The following GSPT1 variants were observed in gnomAD, a reference collection of about 807,000 sequenced individuals.
GSPT1 encodes the protein eukaryotic peptide chain release factor GTP-binding subunit ERF3A.
In GSPT1, 20 loss-of-function variants were observed where a neutral mutation model predicts 72.5. The observed-to-expected ratio is 0.28, with a 90% CI of 0.19 to 0.40. The LOEUF is 0.40. Ranked by LOEUF, GSPT1 falls within the 10% of genes least tolerant of loss-of-function variation. The pLI is 1.00. For missense variants in GSPT1, 580 were observed against 811.9 expected, an observed-to-expected ratio of 0.71 and a Z score of 3.47; for synonymous variants, 334 against 293.5, an observed-to-expected ratio of 1.14 and a Z score of -1.41.
chr16:11,897,369 G>A (rs1167664870), intron 3 of GSPT1, among the ~76,000 whole-genome samples: 2 of 152,090 alleles, frequency 1.3e-5, no homozygotes, highest in Admixed American at 6.6e-5. Flanking sequence ...GGTGGATCAC[G>A]AGGTCAGGAG....
At chr16:11,895,145 T>C in intron 4 of GSPT1, 158 bp from the exon 5 acceptor site, 1 of 566,208 alleles carries the variant, frequency 1.8e-6, no homozygotes, top group Non-Finnish European at 3.3e-6. Flanking sequence ...AAAATGAGCC[T>C]CAAGGCTGGG....
At chr16:11,890,720 G>A (rs1328450470) in intron 6 of GSPT1, 1 of 169,908 alleles carries the variant, frequency 5.9e-6, no homozygotes, top group Non-Finnish European at 1.3e-5. Context: ...GATGTTTCCT[G>A]CTTCCCCCCA....
At chr16:11,904,492 G>A (rs548071803) in intron 1 of GSPT1, among the ~76,000 whole-genome samples, 1 of 152,228 alleles carries the variant, frequency 6.6e-6, no homozygotes, top group South Asian at 2.1e-4. Flanking sequence ...GTGAGCCACT[G>A]CGCCCAGCCA....
At chr16:11,878,881 A>G (rs2141276650) in intron 11 of GSPT1, among the ~76,000 whole-genome samples, 1 of 152,118 alleles carries the variant, frequency 6.6e-6, no homozygotes, top group East Asian at 1.9e-4. Flanking sequence ...CCTGGCCAAC[A>G]TGGTGAAACC....
intron 1 of GSPT1, among the ~76,000 whole-genome samples, chr16:11,910,277 G>T (rs151197013): frequency 2.6e-5 from 4 of 152,170 alleles, no homozygotes; most frequent in Admixed American, 1.3e-4. Context: ...GAGGTTTTAC[G>T]TAAGGGATTG....
chr16:11,872,920 T>C lies in GSPT1; in HGVS notation c.*199A>G. 2.1e-6 allele frequency: 1 copy of C among 472,662 alleles called. No homozygotes were observed. Among genetic ancestry groups the C allele is most frequent in the Non-Finnish European group, 3.8e-6 (1 of 259,894 alleles). The allele number at this position is 472,662 out of a possible 1,614,324, so 29.3% of individuals were successfully genotyped here. ...GAAGTGAGGGCTAGGGACAGGAATC[T>C]TGGGAAAAATTCAACAGTGGCATAG... is the stretch of plus-strand genomic sequence containing the variant. On this transcript the variant is annotated 3_prime_UTR_variant, in exon 15 of 15. Coordinates refer to ENST00000434724, the MANE Select transcript of GSPT1 (RefSeq NM_002094.4).
chr16:11,916,014 C>A (rs2054633877), upstream of GSPT1: 1 of 667,916 alleles, frequency 1.5e-6, no homozygotes, highest in Non-Finnish European at 2.8e-6. Context: ...ACCCCCGGCG[C>A]GGATTGACCC....
At chr16:11,897,359 G>T (rs1421130965) in intron 3 of GSPT1, among the ~76,000 whole-genome samples, 3 of 152,054 alleles carry the variant, frequency 2.0e-5, no homozygotes, top group Non-Finnish European at 4.4e-5. Flanking sequence ...GGCCGAGGTG[G>T]GTGGATCACG....
upstream of GSPT1, chr16:11,916,015 G>A (rs1015053839): frequency 1.5e-6 from 1 of 667,516 alleles, no homozygotes; most frequent in Non-Finnish European, 2.8e-6. Context: ...CCCCCGGCGC[G>A]GATTGACCCC....
rs1307713568 is a variant in GSPT1 at position 11,886,520 on chromosome 16, G to C, written c.1204C>G (p.Leu402Val). 1 of 1,612,716 alleles carries C rather than the reference G, an allele frequency of 6.2e-7. No individual in the cohort carries two copies. Among genetic ancestry groups the C allele is most frequent in the Admixed American group, 1.7e-5 (1 of 60,008 alleles). ...TGCTCTTTGAGATTTGCTCCAGTAAGTCCTGAGCAGGGCATAAAGTGAATG... is the reference window on the plus strand; with the variant it reads ...TGCTCTTTGAGATTTGCTCCAGTAACTCCTGAGCAGGGCATAAAGTGAATG... ...KDIHFMPCSG[L>V]TGANLKEQSD... Residue 402 changes from leucine to valine, a missense_variant, in exon 9 of 15, where the codon CTT (leucine) becomes GTT (valine). Leu to Val is a conservative substitution (Grantham distance 32). Around this residue, in one of 6 missense-constraint regions of GSPT1, gnomAD observed 34 missense variants for 62.0 expected, o/e 0.55. Coordinates refer to ENST00000434724, the MANE Select transcript of GSPT1 (RefSeq NM_002094.4).
At chr16:11,892,524 A>AAAAAAAAAAAAAAAAAAAAAAAAAT (rs1567443285) in intron 5 of GSPT1, among the ~76,000 whole-genome samples, 1 of 126,646 alleles carries the variant, frequency 7.9e-6, no homozygotes, top group African/African-American at 3.7e-5. Context: ...CAAAAAAAAC[A>AAAAAAAAAAAAAAAAAAAAAAAAAT]AAAAAAACAA....
intron 1 of GSPT1, among the ~76,000 whole-genome samples, chr16:11,900,506 C>T (rs2054392872): frequency 6.6e-6 from 1 of 152,022 alleles, no homozygotes; most frequent in South Asian, 2.1e-4. Flanking sequence ...ACTGCTAGCT[C>T]ATTCCCACCA....
At position 11,877,023 on chromosome 16, in the gene GSPT1, G is replaced by C. The variant is rs1261139430; in HGVS notation, c.1602+384C>G. 6.6e-6 allele frequency among the ~76,000 whole-genome samples: 1 copy of C among 152,200 alleles called. No individual in the cohort carries two copies. The highest frequency in any genetic ancestry group is 2.4e-5 in the African/African-American group (1 of 41,446). ...GTCATTCTCCCAGGGAGGTTAGATTGTTAATAACAGGGAAACCTGTGTGAT... is the reference window on the plus strand; with the variant it reads ...GTCATTCTCCCAGGGAGGTTAGATTCTTAATAACAGGGAAACCTGTGTGAT... On this transcript the variant is annotated intron_variant, in intron 12 of 14. Coordinates refer to ENST00000434724, the MANE Select transcript of GSPT1 (RefSeq NM_002094.4). This position sits in a 1 kb window ranked among gnomAD's most constrained non-coding sequence, Gnocchi z 4.0.
At chr16:11,876,506 G>C (rs188282548) in intron 12 of GSPT1, among the ~76,000 whole-genome samples, 182 of 152,226 alleles carry the variant, frequency 1.2e-3, no homozygotes, top group African/African-American at 4.0e-3. Context: ...GAGGCGGCAG[G>C]GGGGCCGGGG....
intron 6 of GSPT1, 141 bp downstream of exon 6, chr16:11,890,921 T>C: frequency 1.7e-6 from 1 of 575,458 alleles, no homozygotes; most frequent in Admixed American, 3.5e-5. Context: ...ATCTACTGTG[T>C]ATTATGAGGA....
chr16:11,875,052 T>C (rs1206912908), intron 14 of GSPT1, among the ~76,000 whole-genome samples: 1 of 152,078 alleles, frequency 6.6e-6, no homozygotes, highest in Non-Finnish European at 1.5e-5. Flanking sequence ...TAGCCAGGCA[T>C]GGTGGCAGCA....
At chr16:11,912,105 G>C (rs2150894348) in intron 1 of GSPT1, among the ~76,000 whole-genome samples, 1 of 147,846 alleles carries the variant, frequency 6.8e-6, no homozygotes, top group East Asian at 2.0e-4. Context: ...CACTTTGGGA[G>C]GCCAAGGCGG....
At position 11,885,223 on chromosome 16, in the gene GSPT1, T is replaced by G. The variant is rs1469520761; in HGVS notation, c.1305A>C (p.Ser435=). 4 of 1,599,120 alleles carry G rather than the reference T, an allele frequency of 2.5e-6. No homozygotes were observed. Among genetic ancestry groups the G allele is most frequent in the Non-Finnish European group, 3.4e-6 (4 of 1,166,472 alleles). ...YLDNLPNFNR[S]VDGPIRLPIV... ...TTGGCAGCCTGATTGGTCCATCAAC[T>G]GATCTATTGAAGTTCGGCAAATTAT... is the stretch of plus-strand genomic sequence containing the variant. The change falls in exon 10 of 15, where the codon TCA becomes TCC. Residue 435 remains serine (S), a synonymous_variant. Coordinates refer to ENST00000434724, the MANE Select transcript of GSPT1 (RefSeq NM_002094.4).
chr16:11,901,739 C>T (rs2054409139), intron 1 of GSPT1, among the ~76,000 whole-genome samples: 1 of 151,378 alleles, frequency 6.6e-6, no homozygotes. Flanking sequence ...TCGCAGTGAG[C>T]CAAGATTGCA....
Sources: allele counts gnomAD v4.1 joint callset (sites outside exome capture counted in the v4.1 genomes callset), GRCh38; gene constraint gnomAD v4.1.1; regional missense constraint gnomAD v4.1.1; non-coding constraint Gnocchi (gnomAD v3.1); transcripts MANE v1.5; gene names NCBI Gene and HGNC (gene_info 2026-07-23, HGNC 2026-07-21).